DSCAML1: variants seen among roughly 807,000 people sequenced by gnomAD.
DSCAML1 encodes the protein DS cell adhesion molecule like 1.
DSCAML1 carries 38 observed loss-of-function variants against 200.5 expected under a neutral mutation model. The ratio of observed to expected loss-of-function variants is 0.19; its 90% CI spans 0.15 to 0.25. The LOEUF (loss-of-function observed/expected upper bound fraction) is 0.25. Among genes scored for constraint, DSCAML1 ranks in the 10% least tolerant of loss-of-function variants. The probability of loss-of-function intolerance (pLI) is 1.00; values close to 1 mark genes in which losing one functional copy is unlikely to be tolerated. For missense variants in DSCAML1, 2,223 were observed against 2,858.8 expected (o/e 0.78, Z 5.07); for synonymous variants, 1,215 against 1,165.0 (o/e 1.04, Z -0.87).
At chr11:117,725,985 CAGA>C (rs2054122379) in intron 3 of DSCAML1, among the ~76,000 whole-genome samples, 1 of 152,162 alleles carries the variant, frequency 6.6e-6, no homozygotes, top group African/African-American at 2.4e-5. Context: ...TATTGAGTGA[CAGA>C]AGAAGTTCAC....
chr11:117,453,089 G>A (rs2048310265), intron 19 of DSCAML1, among the ~76,000 whole-genome samples: 1 of 151,996 alleles, frequency 6.6e-6, no homozygotes, highest in African/African-American at 2.4e-5. Flanking sequence ...CGCCCACCAT[G>A]ATGCCAGGTT....
At position 117,450,563 on chromosome 11, in the gene DSCAML1, C is replaced by T. The variant is rs200813659; in HGVS notation, c.3694G>A (p.Gly1232Arg). Residue 1232 changes from glycine (G) to arginine (R), a missense_variant, in exon 20 of 33, where the codon GGG becomes AGG. Physicochemically the swap from Gly to Arg is moderately radical, Grantham distance 125 (BLOSUM62 -2). Coordinates refer to ENST00000651296, the MANE Select transcript of DSCAML1 (RefSeq NM_020693.4). ...RKYTIFCSSP[G>R]SGQPAPSEYE... ...AACTCACTTACCGGCTGGCCAGACC[C>T]GGGGCTGGAACAGAAGATGGTGTAC... 24 of 1,613,916 alleles carry T rather than the reference C, an allele frequency of 1.5e-5. No homozygotes were observed. Among genetic ancestry groups the T allele is most frequent in the Admixed American group, 1.2e-4 (7 of 60,002 alleles).
intron 3 of DSCAML1, among the ~76,000 whole-genome samples, chr11:117,603,152 G>A (rs899388558): frequency 6.6e-6 from 1 of 152,170 alleles, no homozygotes. Flanking sequence ...ACCAGTGCAA[G>A]GTCCCATATG....
At position 117,615,430 on chromosome 11, in the gene DSCAML1, A is replaced by G. The variant is rs1459295691; in HGVS notation, c.512-82908T>C. 3.3e-5 allele frequency among the ~76,000 whole-genome samples: 5 copies of G among 152,156 alleles called. No individual in the cohort carries two copies. The East Asian group carries it at 9.6e-4, about 29-fold the overall frequency. On this transcript the variant is annotated intron_variant, in intron 3 of 32. Coordinates refer to ENST00000651296, the MANE Select transcript of DSCAML1 (RefSeq NM_020693.4). ...CCTCACTGCATGAACTTCTGACCAG[A>G]ACCAGTTTATTTTCTTGAAGTTGGG...
intron 8 of DSCAML1, among the ~76,000 whole-genome samples, chr11:117,515,224 G>A (rs749801309): frequency 1.1e-4 from 17 of 152,152 alleles, no homozygotes; most frequent in Non-Finnish European, 2.2e-4. Flanking sequence ...GGCTCTTCAC[G>A]AAGAGACATA....
At chr11:117,670,094 TTCC>T (rs2053072683) in intron 3 of DSCAML1, among the ~76,000 whole-genome samples, 1 of 152,234 alleles carries the variant, frequency 6.6e-6, no homozygotes, top group African/African-American at 2.4e-5. Context: ...TGCTTGGCTC[TTCC>T]TCCTAATTTT....
chr11:117,502,145 G>C (rs2049406895), intron 11 of DSCAML1, among the ~76,000 whole-genome samples: 1 of 152,204 alleles, frequency 6.6e-6, no homozygotes, highest in South Asian at 2.1e-4. Flanking sequence ...CCCGCCAGGG[G>C]AAGTGGTTTG....
At chr11:117,692,551 G>A (rs1349514362) in intron 3 of DSCAML1, among the ~76,000 whole-genome samples, 1 of 152,086 alleles carries the variant, frequency 6.6e-6, no homozygotes, top group Non-Finnish European at 1.5e-5. Context: ...AGAAAGGGGA[G>A]GTCTGGTTTT....
intron 1 of DSCAML1, among the ~76,000 whole-genome samples, chr11:117,785,110 A>C (rs1295239339): frequency 2.6e-5 from 4 of 152,174 alleles, no homozygotes; most frequent in Admixed American, 1.3e-4. Context: ...ATATTTACCA[A>C]GCACCAGCCA....
chr11:117,790,767 C>T (rs567701022), intron 1 of DSCAML1, among the ~76,000 whole-genome samples: 13 of 152,214 alleles, frequency 8.5e-5, no homozygotes, highest in East Asian at 1.9e-4. Context: ...TTACAGATTA[C>T]GAAATAAAGG....
intron 12 of DSCAML1, among the ~76,000 whole-genome samples, chr11:117,481,726 G>A (rs1243215661): frequency 1.3e-5 from 2 of 152,094 alleles, no homozygotes; most frequent in African/African-American, 4.8e-5. Flanking sequence ...AAGAAGGTGG[G>A]ACTGAAGAAA....
rs952142424 is a variant in DSCAML1 at position 117,504,659 on chromosome 11, C to T, written c.2182+265G>A. On this transcript the variant is annotated intron_variant, in intron 10 of 32. Transcript: ENST00000651296. The surrounding 1 kb of genome is among the most constrained non-coding windows in gnomAD (Gnocchi z 5.0). ...AGCAGGCATACACTGAGTTCTGGGGCGGAGATGGGAGAGGAGAGGTCGCGT... is the reference window on the plus strand; with the variant it reads ...AGCAGGCATACACTGAGTTCTGGGGTGGAGATGGGAGAGGAGAGGTCGCGT... Among the ~76,000 whole-genome samples the T allele has an allele frequency of 2.6e-5, 4 of 151,832 alleles. No individual in the cohort carries two copies. The highest frequency in any genetic ancestry group is 1.9e-4 in the East Asian group (1 of 5,144).
At chr11:117,491,269 A>G (rs1163910816) in intron 11 of DSCAML1, among the ~76,000 whole-genome samples, 2 of 152,220 alleles carry the variant, frequency 1.3e-5, no homozygotes, top group South Asian at 4.1e-4. Context: ...TGTTATACTG[A>G]GAGCTTACTA....
intron 3 of DSCAML1, among the ~76,000 whole-genome samples, chr11:117,713,082 T>C (rs1001043232): frequency 1.3e-5 from 2 of 152,054 alleles, no homozygotes; most frequent in Non-Finnish European, 2.9e-5. Context: ...TTCCTCAGTT[T>C]CCCCACGGCT....
At chr11:117,787,759 A>G (rs767213139) in intron 1 of DSCAML1, among the ~76,000 whole-genome samples, 1 of 152,266 alleles carries the variant, frequency 6.6e-6, no homozygotes, top group Non-Finnish European at 1.5e-5. Flanking sequence ...AGAGCATTGC[A>G]GTAGCCACAC....
rs1433730895 is a variant in DSCAML1 at position 117,428,494 on chromosome 11, G to A, written c.5996C>T (p.Pro1999Leu). The change falls in exon 33 of 33, where the codon CCC becomes CTC. Residue 1999 changes from proline (P) to leucine (L), a missense_variant. Physicochemically the swap from Pro to Leu is moderately conservative, Grantham distance 98. Transcript: ENST00000651296. ...GCTGGGGGCCGGAGGGGCAGCGCTG[G>A]GGGCGGTGGGTGGCTCAGCAGGGGT... ...GPTPAEPPTAPSAAPPAPSTE... is the reference protein window; with the variant it reads ...GPTPAEPPTALSAAPPAPSTE... 3 of 1,530,804 alleles carry A rather than the reference G, an allele frequency of 2.0e-6. No individual in the cohort carries two copies. Among genetic ancestry groups the A allele is most frequent in the East Asian group, 4.7e-5 (2 of 42,994 alleles). 94.8% of individuals were successfully genotyped at this position (1,530,804 alleles called of 1,614,324 possible).
At chr11:117,678,511 G>C (rs1288245764) in intron 3 of DSCAML1, among the ~76,000 whole-genome samples, 1 of 152,250 alleles carries the variant, frequency 6.6e-6, no homozygotes, top group African/African-American at 2.4e-5. Flanking sequence ...ATGGTGTTAA[G>C]TAGTTAGGTA....
chr11:117,475,203 A>G (rs954771037), intron 14 of DSCAML1, among the ~76,000 whole-genome samples: 2 of 151,976 alleles, frequency 1.3e-5, no homozygotes, highest in African/African-American at 4.8e-5. Flanking sequence ...TCTGTTCTCT[A>G]CACTGCGGCC....
intron 21 of DSCAML1, among the ~76,000 whole-genome samples, chr11:117,440,415 G>A (rs1043207634): frequency 2.0e-5 from 3 of 152,150 alleles, no homozygotes; most frequent in Admixed American, 2.0e-4. Context: ...AAGCAGGGAA[G>A]GAGACACATG....
Sources: gnomAD v4.1 joint callset for allele counts (sites outside exome capture counted in the v4.1 genomes callset) on GRCh38, gnomAD v4.1.1 for gene constraint, Gnocchi (gnomAD v3.1) non-coding constraint, MANE v1.5 for transcripts, NCBI Gene and HGNC (gene_info 2026-07-23, HGNC 2026-07-21) for gene names.